The following MED13L variants were observed in gnomAD, a reference collection of about 807,000 sequenced individuals.
MED13L encodes mediator of RNA polymerase II transcription subunit 13-like.
A neutral mutation model predicts 220.9 loss-of-function variants in MED13L; 7 were observed. The ratio of observed to expected loss-of-function variants is 0.03; its 90% CI spans 0.02 to 0.06. MED13L has a LOEUF of 0.06. Among genes scored for constraint, MED13L ranks in the 10% least tolerant of loss-of-function variants. MED13L has a pLI of 1.00. For synonymous variants in MED13L, 1,011 were observed against 1,015.2 expected, an observed-to-expected ratio of 1.00 and a Z score of 0.08; for missense variants, 1,965 against 2,760.5, an observed-to-expected ratio of 0.71 and a Z score of 6.46.
intron 2 of MED13L, among the ~76,000 whole-genome samples, chr12:116,163,896 A>G (rs1271598898): frequency 6.6e-6 from 1 of 152,218 alleles, no homozygotes; most frequent in African/African-American, 2.4e-5. Context: ...GTATACTTCA[A>G]TGCCATAATA....
Position 116,276,997 on chromosome 12 carries a change from G to A in MED13L, c.72+63C>T, listed in dbSNP as rs912761890. 1.9e-5 allele frequency: 29 copies of A among 1,502,614 alleles called. 1 individual carries two copies. Among genetic ancestry groups the A allele is most frequent in the South Asian group, 1.4e-4 (12 of 83,004 alleles). 93.1% of individuals were successfully genotyped at this position (1,502,614 alleles called of 1,614,324 possible). A position where few individuals can be genotyped will look rare whatever the true frequency, so the allele number is the denominator to read the frequency against. On this transcript the variant is annotated intron_variant, in intron 1 of 30. Transcript: ENST00000281928. ...GGCGGGAGGAGAAAGTTGGTCGGCG[G>A]CGGAGGTCGGGGACCCCCCCCCTTC... is the stretch of plus-strand genomic sequence containing the variant.
At chr12:116,202,457 T>C (rs2138314850) in intron 2 of MED13L, among the ~76,000 whole-genome samples, 1 of 152,300 alleles carries the variant, frequency 6.6e-6, no homozygotes, top group East Asian at 1.9e-4. Flanking sequence ...AAGGATGAAA[T>C]GTCATCAACT....
intron 4 of MED13L, among the ~76,000 whole-genome samples, chr12:116,041,449 C>A (rs567322599): frequency 6.6e-6 from 1 of 152,230 alleles, no homozygotes; most frequent in Non-Finnish European, 1.5e-5. Context: ...AATACAGGCC[C>A]GAAGAGATCT....
chr12:116,143,316 G>GC (rs1877237006), intron 2 of MED13L, among the ~76,000 whole-genome samples: 1 of 146,652 alleles, frequency 6.8e-6, no homozygotes, highest in South Asian at 2.1e-4. Flanking sequence ...AGGGGACACA[G>GC]CAACACCTTG....
intron 2 of MED13L, among the ~76,000 whole-genome samples, chr12:116,187,999 G>T (rs1321792207): frequency 6.6e-6 from 1 of 151,996 alleles, no homozygotes; most frequent in Non-Finnish European, 1.5e-5. Flanking sequence ...ATTTCAGAGT[G>T]CCAACAACAG....
chr12:116,035,370 A>G (rs1881120729), intron 4 of MED13L, among the ~76,000 whole-genome samples: 1 of 152,168 alleles, frequency 6.6e-6, no homozygotes, highest in African/African-American at 2.4e-5. Context: ...ATATAATTAT[A>G]ATGCTGTATC....
At chr12:115,972,339 G>T in intron 25 of MED13L, 103 bp from the exon 26 acceptor site, 2 of 1,370,400 alleles carry the variant, frequency 1.5e-6, no homozygotes, top group Non-Finnish European at 2.0e-6. Context: ...TTCCAAGGTT[G>T]GGCCCTAAAG....
chr12:116,009,161 TA>T (rs775796645), intron 9 of MED13L, 29 bp from the exon 10 acceptor site: 303 of 1,612,832 alleles, frequency 1.9e-4, no homozygotes, highest in Non-Finnish European at 2.3e-4. Flanking sequence ...ATTACATCAT[TA>T]TAACATTAAG....
chr12:116,065,087 G>A (rs1320722783), intron 4 of MED13L, among the ~76,000 whole-genome samples: 1 of 152,076 alleles, frequency 6.6e-6, no homozygotes, highest in Non-Finnish European at 1.5e-5. Context: ...AAATTTTATA[G>A]GGAAAATCAA....
At chr12:116,096,562 G>A (rs889798142) in intron 4 of MED13L, 107 bp downstream of exon 4, 15 of 764,494 alleles carry the variant, frequency 2.0e-5, no homozygotes, top group African/African-American at 1.9e-4. Flanking sequence ...ATCTATTTGA[G>A]TATATCTAAA....
chr12:116,277,018 C>CA (rs778737574), intron 1 of MED13L, 42 bp downstream of exon 1: 2 of 1,408,588 alleles, frequency 1.4e-6, no homozygotes, highest in East Asian at 2.5e-5. Context: ...GGACCCCCCC[C>CA]CTTCCCCGGC....
intron 16 of MED13L, among the ~76,000 whole-genome samples, chr12:115,994,464 A>AAAAAAC (rs534564932): frequency 2.1e-4 from 32 of 152,172 alleles, no homozygotes; most frequent in South Asian, 1.5e-3. Flanking sequence ...AAACCCCCCC[A>AAAAAAC]AAAAACAAAA....
chr12:115,972,382 G>T, intron 25 of MED13L, 146 bp from the exon 26 acceptor site: 1 of 891,892 alleles, frequency 1.1e-6, no homozygotes, highest in Non-Finnish European at 1.8e-6. Flanking sequence ...TCCCCTCCTT[G>T]CTATAGAGAA....
At chr12:116,090,399 C>G (rs1156867337) in intron 4 of MED13L, among the ~76,000 whole-genome samples, 1 of 152,106 alleles carries the variant, frequency 6.6e-6, no homozygotes, top group African/African-American at 2.4e-5. Context: ...TAAAATTTTC[C>G]AACTCTTGGG....
At chr12:116,025,630 A>G (rs1012467120) in intron 4 of MED13L, among the ~76,000 whole-genome samples, 1 of 152,238 alleles carries the variant, frequency 6.6e-6, no homozygotes, top group African/African-American at 2.4e-5. Flanking sequence ...AGACACATAA[A>G]GACAAATACC....
At chr12:116,146,134 G>GT (rs1414005855) in intron 2 of MED13L, among the ~76,000 whole-genome samples, 1 of 151,922 alleles carries the variant, frequency 6.6e-6, no homozygotes, top group Non-Finnish European at 1.5e-5. Flanking sequence ...GTTTTTGTTG[G>GT]TTTTTTTGAG....
chr12:116,062,679 G>A (rs892691460), intron 4 of MED13L, among the ~76,000 whole-genome samples: 2 of 151,800 alleles, frequency 1.3e-5, no homozygotes, highest in Non-Finnish European at 2.9e-5. Context: ...GTAGAGACAG[G>A]GTTTCCCCAT....
At chr12:116,136,305 A>G (rs546564342) in intron 2 of MED13L, among the ~76,000 whole-genome samples, 1 of 152,274 alleles carries the variant, frequency 6.6e-6, no homozygotes, top group South Asian at 2.1e-4. Flanking sequence ...GTGTTTCTCA[A>G]ATTGGGGCTC....
chr12:116,013,314 T>C (rs1176815171), intron 8 of MED13L, among the ~76,000 whole-genome samples: 1 of 152,204 alleles, frequency 6.6e-6, no homozygotes, highest in African/African-American at 2.4e-5. Context: ...GAGTCAGGAA[T>C]GATGGTGATG....
Sources: gnomAD v4.1 joint callset for allele counts (sites outside exome capture counted in the v4.1 genomes callset) on GRCh38, gnomAD v4.1.1 for gene constraint, MANE v1.5 for transcripts, NCBI Gene and HGNC (gene_info 2026-07-23, HGNC 2026-07-21) for gene names.